PITPNC1: variants seen among roughly 807,000 people sequenced by gnomAD.
PITPNC1 encodes phosphatidylinositol transfer protein cytoplasmic 1, also known as cytoplasmic phosphatidylinositol transfer protein 1.
In PITPNC1, 18 loss-of-function variants were observed where a neutral mutation model predicts 44.7. That is an observed-to-expected ratio of 0.40 (90% CI 0.28 to 0.60). The LOEUF (loss-of-function observed/expected upper bound fraction) is 0.60, where lower values mean the gene tolerates loss of function less well. Among genes scored for constraint, PITPNC1 ranks in the 20% least tolerant of loss-of-function variants. The pLI, the probability that PITPNC1 is intolerant of heterozygous loss-of-function variation, is 0.39. For missense variants in PITPNC1, 290 were observed against 418.4 expected (o/e 0.69, Z 2.68); for synonymous variants, 141 against 149.6 (o/e 0.94, Z 0.42).
At chr17:67,503,167 G>A in intron 1 of PITPNC1, among the ~76,000 whole-genome samples, 1 of 152,140 alleles carries the variant, frequency 6.6e-6, no homozygotes, top group Non-Finnish European at 1.5e-5. Context: ...AGAAAATAAA[G>A]TTACCAAAAA....
intron 1 of PITPNC1, among the ~76,000 whole-genome samples, chr17:67,431,071 T>C (rs2143895312): frequency 6.6e-6 from 1 of 150,694 alleles, no homozygotes; most frequent in South Asian, 2.1e-4. Context: ...TCTTTTTTTT[T>C]TTTTTGCGAT....
At chr17:67,614,380 A>T (rs931123219) in intron 5 of PITPNC1, among the ~76,000 whole-genome samples, 19 of 152,072 alleles carry the variant, frequency 1.2e-4, no homozygotes, top group Non-Finnish European at 2.4e-4. Context: ...AAATGTTATT[A>T]AAAAAATTGG....
chr17:67,401,761 T>G (rs2038316020), intron 1 of PITPNC1, among the ~76,000 whole-genome samples: 3 of 151,950 alleles, frequency 2.0e-5, no homozygotes, highest in Admixed American at 6.6e-5. Flanking sequence ...GAGAATTGTT[T>G]GAACCCAGGA....
intron 1 of PITPNC1, among the ~76,000 whole-genome samples, chr17:67,495,892 A>C (rs1269744046): frequency 6.6e-6 from 1 of 152,218 alleles, no homozygotes; most frequent in Non-Finnish European, 1.5e-5. Context: ...ACATGAATAG[A>C]GAGGGTTTTG....
chr17:67,423,108 G>C (rs2038695165), intron 1 of PITPNC1, among the ~76,000 whole-genome samples: 1 of 152,128 alleles, frequency 6.6e-6, no homozygotes, highest in Admixed American at 6.6e-5. Flanking sequence ...ATTCTTCATG[G>C]AGGAGTGCTT....
At chr17:67,446,096 G>A (rs1225727779) in intron 1 of PITPNC1, among the ~76,000 whole-genome samples, 2 of 152,072 alleles carry the variant, frequency 1.3e-5, no homozygotes, top group East Asian at 1.9e-4. Flanking sequence ...ACAGGCGTGC[G>A]CCACCATGCC....
chr17:67,543,658 T>C (rs948918719), intron 2 of PITPNC1, among the ~76,000 whole-genome samples: 9 of 152,314 alleles, frequency 5.9e-5, no homozygotes, highest in Non-Finnish European at 1.3e-4. Flanking sequence ...TTGGGTCCAA[T>C]GTCCGTTGAA....
chr17:67,536,912 T>TG (rs2040538529), intron 2 of PITPNC1, among the ~76,000 whole-genome samples: 1 of 152,112 alleles, frequency 6.6e-6, no homozygotes, highest in Non-Finnish European at 1.5e-5. Flanking sequence ...GTGGGGAGGA[T>TG]GGGGGCTGAC....
At chr17:67,578,736 C>G (rs1353759945) in intron 5 of PITPNC1, among the ~76,000 whole-genome samples, 3 of 152,238 alleles carry the variant, frequency 2.0e-5, no homozygotes, top group Non-Finnish European at 4.4e-5. Context: ...AATCCCAGCA[C>G]TCTGGGAGGC....
chr17:67,471,153 G>A (rs1324634479), intron 1 of PITPNC1, among the ~76,000 whole-genome samples: 2 of 115,714 alleles, frequency 1.7e-5, no homozygotes, highest in Admixed American at 1.0e-4. Flanking sequence ...ATTGTCCCAT[G>A]ACCCTGCCAA....
At chr17:67,613,538 T>C (rs1018429269) in intron 5 of PITPNC1, 8 of 152,200 alleles carry the variant, frequency 5.3e-5, no homozygotes, top group African/African-American at 1.7e-4. Context: ...CAGCCATATA[T>C]TGAAATGCAA....
chr17:67,622,629 C>T (rs953859492), intron 5 of PITPNC1, among the ~76,000 whole-genome samples: 4 of 151,154 alleles, frequency 2.6e-5, no homozygotes, highest in African/African-American at 9.7e-5. Flanking sequence ...TGGTTAATTC[C>T]AGCCCTTTGA....
At chr17:67,625,080 G>T (rs1021910508) in intron 5 of PITPNC1, among the ~76,000 whole-genome samples, 2 of 152,110 alleles carry the variant, frequency 1.3e-5, no homozygotes, top group African/African-American at 4.8e-5. Flanking sequence ...TATGGCGGGG[G>T]TGGCCACGGG....
chr17:67,465,989 CTTTA>C (rs35282153), intron 1 of PITPNC1, among the ~76,000 whole-genome samples: 44,276 of 148,460 alleles, frequency 0.3, 6,899 homozygotes, highest in African/African-American at 0.37. Flanking sequence ...CAAGGTCGGC[CTTTA>C]TTTATTTATT....
rs557410769 is a variant in PITPNC1, at chr17:67,693,429, A to T, written c.*541A>T. 1.3e-5 allele frequency: 2 copies of T among 152,756 alleles called. No individual in the cohort carries two copies. Among genetic ancestry groups the T allele is most frequent in the African/African-American group, 4.8e-5 (2 of 41,568 alleles). 9.5% of individuals were successfully genotyped at this position (152,756 alleles called of 1,614,324 possible). ...GCCTAATTAACTCTAAACTTTTGAA[A>T]ATTTTAATCATCAAGCTATAGAGGC... On this transcript the variant is annotated 3_prime_UTR_variant, in exon 9 of 9. Transcript: ENST00000581322.
At chr17:67,677,519 C>G (rs2042624071) in intron 8 of PITPNC1, among the ~76,000 whole-genome samples, 1 of 151,330 alleles carries the variant, frequency 6.6e-6, no homozygotes, top group South Asian at 2.1e-4. Context: ...GGCGATGGGG[C>G]CTGACTTTTC....
At chr17:67,485,636 C>T (rs774000462) in intron 1 of PITPNC1, among the ~76,000 whole-genome samples, 2 of 151,998 alleles carry the variant, frequency 1.3e-5, no homozygotes, top group Non-Finnish European at 2.9e-5. Flanking sequence ...TCTCAGCCGC[C>T]GCACCCGGCC....
At chr17:67,644,544 C>T (rs2042126615) in intron 6 of PITPNC1, among the ~76,000 whole-genome samples, 1 of 150,834 alleles carries the variant, frequency 6.6e-6, no homozygotes, top group African/African-American at 2.4e-5. Flanking sequence ...AAGCGATTCT[C>T]CTGCCTCAGC....
intron 1 of PITPNC1, among the ~76,000 whole-genome samples, chr17:67,528,234 G>A (rs1205662851): frequency 6.6e-6 from 1 of 152,116 alleles, no homozygotes; most frequent in Non-Finnish European, 1.5e-5. Flanking sequence ...TAGAGACGGG[G>A]TTTTGCCATG....
Sources: gnomAD v4.1 joint callset for allele counts (sites outside exome capture counted in the v4.1 genomes callset) on GRCh38, gnomAD v4.1.1 for gene constraint, MANE v1.5 for transcripts, NCBI Gene and HGNC (gene_info 2026-07-23, HGNC 2026-07-21) for gene names.